The following STK3 variants were observed in gnomAD, a reference collection of about 807,000 sequenced individuals.
The protein encoded by STK3 is serine/threonine-protein kinase 3.
STK3 carries 41 observed loss-of-function variants against 58.0 expected under a neutral mutation model. The ratio of observed to expected loss-of-function variants is 0.71; its 90% CI spans 0.55 to 0.92. The LOEUF (loss-of-function observed/expected upper bound fraction) is 0.92. Among genes scored for constraint, STK3 ranks in the 40% least tolerant of loss-of-function variants. The probability of loss-of-function intolerance (pLI) is 0.00; values close to 1 mark genes in which losing one functional copy is unlikely to be tolerated. For synonymous variants in STK3, 170 were observed against 191.0 expected (o/e 0.89, Z 0.91); for missense variants, 479 against 602.7 (o/e 0.79, Z 2.15).
intron 1 of STK3, among the ~76,000 whole-genome samples, chr8:98,812,707 T>C (rs1461479165): frequency 6.6e-6 from 1 of 152,066 alleles, no homozygotes; most frequent in Non-Finnish European, 1.5e-5. Flanking sequence ...TATGCAGCCA[T>C]AAAAAAGGGT....
At chr8:98,369,575 C>T (rs1040998261), downstream of STK3, among the ~76,000 whole-genome samples, 5 of 152,148 alleles carry the variant, frequency 3.3e-5, no homozygotes, top group African/African-American at 1.2e-4. Flanking sequence ...AAATAAGTTT[C>T]ATGTGCCCTA....
chr8:98,748,355 A>G (rs1829770776), intron 4 of STK3, among the ~76,000 whole-genome samples: 1 of 152,156 alleles, frequency 6.6e-6, no homozygotes, highest in African/African-American at 2.4e-5. Context: ...TACTCTGTCA[A>G]AACAGGGATT....
chr8:98,899,856 C>A (rs1838591228), intron 1 of STK3, among the ~76,000 whole-genome samples: 1 of 152,198 alleles, frequency 6.6e-6, no homozygotes. Flanking sequence ...CTTTCCTATT[C>A]ATCCTCTCTG....
chr8:98,550,943 G>A (rs1279033150), intron 8 of STK3, among the ~76,000 whole-genome samples: 2 of 152,100 alleles, frequency 1.3e-5, no homozygotes, highest in African/African-American at 4.8e-5. Context: ...CCCAGTTCCT[G>A]CCTTCATTAA....
At chr8:98,610,469 T>C (rs923060105) in intron 6 of STK3, among the ~76,000 whole-genome samples, 1 of 152,208 alleles carries the variant, frequency 6.6e-6, no homozygotes, top group Non-Finnish European at 1.5e-5. Flanking sequence ...AGTAAATCAA[T>C]AGCATCCATT....
At chr8:98,638,231 C>CAAA (rs1819762721) in intron 6 of STK3, among the ~76,000 whole-genome samples, 1 of 152,126 alleles carries the variant, frequency 6.6e-6, no homozygotes, top group Non-Finnish European at 1.5e-5. Context: ...AAAAAGTACT[C>CAAA]AAAAGAAACT....
chr8:98,707,414 G>GT (rs947074921), intron 4 of STK3, 103 bp from the exon 5 acceptor site: 1,427 of 813,448 alleles, frequency 1.8e-3, no homozygotes, highest in South Asian at 2.2e-3. Context: ...GTGTGTGTGT[G>GT]TTTTTTTTTA....
chr8:98,721,064 GCA>G (rs1346661434), intron 4 of STK3: 1 of 981,950 alleles, frequency 1.0e-6, no homozygotes, highest in Non-Finnish European at 1.2e-6. Flanking sequence ...GTAGAAGTAA[GCA>G]CACTCACCTG....
At chr8:98,597,808 C>T (rs1410824772) in intron 6 of STK3, 2 of 983,206 alleles carry the variant, frequency 2.0e-6, no homozygotes, top group Middle Eastern at 5.2e-4. Context: ...CCAGAGCTCA[C>T]AGTCAACTTG....
At chr8:98,487,647 T>G (rs1373234997) in intron 10 of STK3, among the ~76,000 whole-genome samples, 1 of 152,238 alleles carries the variant, frequency 6.6e-6, no homozygotes, top group Non-Finnish European at 1.5e-5. Context: ...TAGTTAAAAG[T>G]TGCCTTCATT....
intron 6 of STK3, among the ~76,000 whole-genome samples, chr8:98,690,508 C>T (rs1047605399): frequency 6.7e-6 from 1 of 148,414 alleles, no homozygotes; most frequent in Non-Finnish European, 1.5e-5. Flanking sequence ...AGGATCTCCA[C>T]AAGGAGAACT....
chr8:98,726,342 TAA>T (rs938313957), intron 4 of STK3, among the ~76,000 whole-genome samples: 6 of 152,180 alleles, frequency 3.9e-5, no homozygotes, highest in African/African-American at 1.4e-4. Flanking sequence ...GGAAAAATCA[TAA>T]AGTGTTTATA....
chr8:98,694,402 A>C (rs568566803), intron 6 of STK3, among the ~76,000 whole-genome samples: 26 of 152,058 alleles, frequency 1.7e-4, no homozygotes, highest in Admixed American at 5.2e-4. Context: ...CACAATGTGC[A>C]GGTTAGTTAC....
chr8:98,648,329 C>T (rs989984763), intron 6 of STK3, among the ~76,000 whole-genome samples: 3 of 152,110 alleles, frequency 2.0e-5, no homozygotes, highest in African/African-American at 7.2e-5. Context: ...TGTTACAAGG[C>T]CAAAATGTAT....
chr8:98,457,080 T>C (rs1420447115), intron 10 of STK3, among the ~76,000 whole-genome samples: 6 of 152,228 alleles, frequency 3.9e-5, no homozygotes, highest in Non-Finnish European at 8.8e-5. Flanking sequence ...TGAAGGTGAA[T>C]GCCACTCACT....
intron 6 of STK3, among the ~76,000 whole-genome samples, chr8:98,608,491 T>C (rs564625123): frequency 3.7e-4 from 57 of 152,328 alleles, no homozygotes; most frequent in Non-Finnish European, 7.4e-4. Context: ...TTTTATATTA[T>C]GTCCTTCTAA....
intron 3 of STK3, among the ~76,000 whole-genome samples, chr8:98,414,319 G>A (rs1276506733): frequency 6.6e-6 from 1 of 152,096 alleles, no homozygotes; most frequent in African/African-American, 2.4e-5. Flanking sequence ...CCAGAATAGG[G>A]TCTACCATTT....
intron 3 of STK3, among the ~76,000 whole-genome samples, chr8:98,424,025 T>C (rs936808322): frequency 6.6e-6 from 1 of 152,234 alleles, no homozygotes; most frequent in Non-Finnish European, 1.5e-5. Context: ...TATTTTAAGA[T>C]CAGGGCTCAG....
intron 2 of STK3, among the ~76,000 whole-genome samples, chr8:98,377,288 T>A (rs6982597): frequency 0.58 from 88,104 of 151,960 alleles, 27,004 homozygotes; most frequent in Non-Finnish European, 0.69. Context: ...ATATTAATTC[T>A]TTTTCCCCTT....
Sources: gnomAD v4.1 joint callset for allele counts (sites outside exome capture counted in the v4.1 genomes callset) on GRCh38, gnomAD v4.1.1 for gene constraint, MANE v1.5 for transcripts, NCBI Gene and HGNC (gene_info 2026-07-23, HGNC 2026-07-21) for gene names.